HSD17B12: variants seen among roughly 807,000 people sequenced by gnomAD.
HSD17B12 encodes the protein very-long-chain 3-oxoacyl-CoA reductase.
A neutral mutation model predicts 39.3 loss-of-function variants in HSD17B12; 32 were observed. The ratio of observed to expected loss-of-function variants is 0.81; its 90% CI spans 0.61 to 1.09. The LOEUF (loss-of-function observed/expected upper bound fraction) is 1.09, where lower values mean the gene tolerates loss of function less well. HSD17B12 is among the 50% of genes least tolerant of loss of function. The probability of loss-of-function intolerance (pLI) is 0.00; values close to 1 mark genes in which losing one functional copy is unlikely to be tolerated. For missense variants in HSD17B12, 342 were observed against 382.9 expected, an observed-to-expected ratio of 0.89 and a Z score of 0.89; for synonymous variants, 150 against 146.7, an observed-to-expected ratio of 1.02 and a Z score of -0.16.
chr11:43,672,611 G>A, the HSD17B12 span, among the ~76,000 whole-genome samples: 2 of 152,000 alleles, frequency 1.3e-5, no homozygotes, highest in Non-Finnish European at 2.9e-5. Context: ...GCAGTGGTGC[G>A]ATCTTGGCTC....
At chr11:43,705,531 A>G (rs1950004571) in intron 1 of HSD17B12, among the ~76,000 whole-genome samples, 2 of 152,130 alleles carry the variant, frequency 1.3e-5, no homozygotes, top group African/African-American at 4.8e-5. Context: ...GGGTACATCT[A>G]TATGTGGATA....
intron 7 of HSD17B12, chr11:43,833,060 G>C (rs7947967): frequency 0.65 from 95,317 of 147,732 alleles, 30,916 homozygotes; most frequent in East Asian, 0.72. Flanking sequence ...AAAAAGGAAA[G>C]ATCAAGTTGA....
At chr11:43,728,249 A>G (rs1430964809) in intron 1 of HSD17B12, among the ~76,000 whole-genome samples, 1 of 151,960 alleles carries the variant, frequency 6.6e-6, no homozygotes, top group East Asian at 1.9e-4. Flanking sequence ...TATTTTTAGT[A>G]GAGATGGGGT....
At chr11:43,671,004 T>G in the HSD17B12 span, among the ~76,000 whole-genome samples, 1 of 152,186 alleles carries the variant, frequency 6.6e-6, no homozygotes, top group Non-Finnish European at 1.5e-5. Flanking sequence ...TAACAAATCC[T>G]TGGACCTATT....
the HSD17B12 span, among the ~76,000 whole-genome samples, chr11:43,613,341 A>C: frequency 1.3e-5 from 2 of 152,066 alleles, no homozygotes; most frequent in African/African-American, 2.4e-5. Context: ...GCAGTGAGTC[A>C]AGATCATATC....
At chr11:43,752,713 C>CA (rs200229328) in intron 2 of HSD17B12, among the ~76,000 whole-genome samples, 74 of 145,132 alleles carry the variant, frequency 5.1e-4, no homozygotes, top group Non-Finnish European at 5.6e-4. Flanking sequence ...GACTCTGTCT[C>CA]AAAAAAAAAA....
intron 9 of HSD17B12, among the ~76,000 whole-genome samples, chr11:43,850,559 G>A (rs567858460): frequency 6.6e-6 from 1 of 152,278 alleles, no homozygotes; most frequent in African/African-American, 2.4e-5. Context: ...AGCATGTTTA[G>A]TACACAGATG....
chr11:43,839,443 T>G (rs979700863), intron 8 of HSD17B12, among the ~76,000 whole-genome samples: 1 of 152,204 alleles, frequency 6.6e-6, no homozygotes, highest in African/African-American at 2.4e-5. Context: ...AGTCTGAGGT[T>G]GCGTCCACAT....
intron 1 of HSD17B12, among the ~76,000 whole-genome samples, chr11:43,691,424 G>A (rs1304194890): frequency 3.3e-5 from 5 of 152,214 alleles, no homozygotes; most frequent in Admixed American, 2.0e-4. Context: ...GATGCATCAA[G>A]TAGCCAGTTT....
At chr11:43,825,673 G>T (rs1397130462) in intron 6 of HSD17B12, among the ~76,000 whole-genome samples, 1 of 152,188 alleles carries the variant, frequency 6.6e-6, no homozygotes, top group East Asian at 1.9e-4. Flanking sequence ...TTTGAAATTA[G>T]TTATCATTAT....
the HSD17B12 span, chr11:43,644,113 G>T: frequency 6.6e-6 from 1 of 152,270 alleles, no homozygotes; most frequent in African/African-American, 2.4e-5. Flanking sequence ...ACAATTGGCC[G>T]TTGGGAGGGG....
At chr11:43,731,977 A>G (rs1294943468) in intron 1 of HSD17B12, among the ~76,000 whole-genome samples, 1 of 152,096 alleles carries the variant, frequency 6.6e-6, no homozygotes, top group African/African-American at 2.4e-5. Flanking sequence ...ACTGGCCAGA[A>G]CCACTCTATA....
chr11:43,694,336 G>A (rs2134789851), intron 1 of HSD17B12, among the ~76,000 whole-genome samples: 1 of 152,242 alleles, frequency 6.6e-6, no homozygotes, highest in Admixed American at 6.5e-5. Flanking sequence ...CTAAATAAGG[G>A]TGATTTTAAG....
At chr11:43,739,367 T>G (rs1432610706) in intron 1 of HSD17B12, among the ~76,000 whole-genome samples, 3 of 152,144 alleles carry the variant, frequency 2.0e-5, no homozygotes, top group Non-Finnish European at 4.4e-5. Flanking sequence ...CAGCTAGAAG[T>G]GTGTCTTAGT....
intron 4 of HSD17B12, among the ~76,000 whole-genome samples, chr11:43,805,757 T>A (rs1392282056): frequency 6.6e-6 from 1 of 152,150 alleles, no homozygotes; most frequent in Non-Finnish European, 1.5e-5. Context: ...CACCCAGAGT[T>A]ACTGCAGACT....
At chr11:43,759,737 T>C (rs928665196) in intron 3 of HSD17B12, among the ~76,000 whole-genome samples, 3 of 152,048 alleles carry the variant, frequency 2.0e-5, no homozygotes. Flanking sequence ...TTTTCTTTTT[T>C]TCTTTTTTGA....
the HSD17B12 span, among the ~76,000 whole-genome samples, chr11:43,609,514 C>T: frequency 2.8e-4 from 43 of 151,772 alleles, no homozygotes; most frequent in African/African-American, 6.5e-4. Context: ...TATAGATGTG[C>T]GCCACCATGC....
chr11:43,832,421 T>C (rs1209171705), intron 7 of HSD17B12, among the ~76,000 whole-genome samples: 1 of 152,222 alleles, frequency 6.6e-6, no homozygotes, highest in Non-Finnish European at 1.5e-5. Context: ...GGTTGCAAAA[T>C]CATTTTACAG....
intron 3 of HSD17B12, among the ~76,000 whole-genome samples, chr11:43,792,835 T>C (rs2135034304): frequency 6.6e-6 from 1 of 152,058 alleles, no homozygotes; most frequent in Admixed American, 6.6e-5. Flanking sequence ...AGCTTATATT[T>C]TAATATGCCT....
Sources: allele counts gnomAD v4.1 joint callset (sites outside exome capture counted in the v4.1 genomes callset), GRCh38; gene constraint gnomAD v4.1.1; transcripts MANE v1.5; gene names NCBI Gene and HGNC (gene_info 2026-07-23, HGNC 2026-07-21).